NRP1: variants seen among roughly 807,000 people sequenced by gnomAD.
NRP1 encodes neuropilin 1, also known as neuropilin-1.
In NRP1, 35 loss-of-function variants were observed where a neutral mutation model predicts 106.7. The observed-to-expected ratio is 0.33, with a 90% CI of 0.25 to 0.43. The LOEUF (loss-of-function observed/expected upper bound fraction) is 0.43. Ranked by LOEUF, NRP1 falls within the 20% of genes least tolerant of loss-of-function variation. NRP1 has a pLI of 1.00. For synonymous variants in NRP1, 437 were observed against 417.9 expected (o/e 1.05, Z -0.56); for missense variants, 1,024 against 1,170.4 (o/e 0.87, Z 1.83).
chr10:33,186,109 TG>T, intron 14 of NRP1, 107 bp downstream of exon 14: 1 of 1,384,376 alleles, frequency 7.2e-7, no homozygotes. Context: ...TGGGAAACAC[TG>T]GAAATAATTT....
At chr10:33,321,698 C>T (rs773252092) in intron 2 of NRP1, among the ~76,000 whole-genome samples, 2 of 152,188 alleles carry the variant, frequency 1.3e-5, no homozygotes, top group Admixed American at 6.5e-5. Context: ...CTGCTGGTAG[C>T]GTCCAACAGT....
chr10:33,282,353 T>C (rs1844203453), intron 2 of NRP1, among the ~76,000 whole-genome samples: 1 of 152,200 alleles, frequency 6.6e-6, no homozygotes, highest in Non-Finnish European at 1.5e-5. Flanking sequence ...ATTTTCTTTT[T>C]AATTCTTTGG....
chr10:33,243,518 A>T (rs1413292741), intron 6 of NRP1, among the ~76,000 whole-genome samples: 2 of 152,230 alleles, frequency 1.3e-5, no homozygotes, highest in Non-Finnish European at 2.9e-5. Flanking sequence ...ATTTTTCTAG[A>T]TCCAAAATAT....
At chr10:33,196,681 G>A (rs74926329) in intron 12 of NRP1, among the ~76,000 whole-genome samples, 2 of 152,156 alleles carry the variant, frequency 1.3e-5, no homozygotes, top group Admixed American at 1.3e-4. Flanking sequence ...GGTTAAGTTT[G>A]ACCAAAGAGA....
intron 2 of NRP1, among the ~76,000 whole-genome samples, chr10:33,275,334 G>A (rs552332867): frequency 3.3e-5 from 5 of 152,160 alleles, no homozygotes; most frequent in South Asian, 2.1e-4. Context: ...TTTAGAAGGC[G>A]GAGGTGGGTG....
intron 2 of NRP1, among the ~76,000 whole-genome samples, chr10:33,278,079 T>C (rs1450706490): frequency 3.3e-5 from 5 of 152,234 alleles, no homozygotes; most frequent in Non-Finnish European, 7.3e-5. Flanking sequence ...TACTTTGCGA[T>C]GTGTTTATGC....
intron 8 of NRP1, among the ~76,000 whole-genome samples, chr10:33,215,616 A>G (rs1028743992): frequency 1.3e-5 from 2 of 152,222 alleles, no homozygotes; most frequent in Non-Finnish European, 2.9e-5. Context: ...AAGCAACTCA[A>G]TTCTGCGTTA....
At chr10:33,204,492 T>G (rs1353412508) in intron 10 of NRP1, among the ~76,000 whole-genome samples, 1 of 152,224 alleles carries the variant, frequency 6.6e-6, no homozygotes, top group Non-Finnish European at 1.5e-5. Flanking sequence ...ATAGTTGTCT[T>G]TCTTCCCTAA....
At chr10:33,207,498 A>C in intron 10 of NRP1, 74 bp downstream of exon 10, 1 of 1,551,390 alleles carries the variant, frequency 6.4e-7, no homozygotes, top group Non-Finnish European at 8.8e-7. Flanking sequence ...TTGCAAAGGC[A>C]CCATCAGGGG....
At chr10:33,235,533 T>C (rs1447765472) in intron 6 of NRP1, among the ~76,000 whole-genome samples, 1 of 152,246 alleles carries the variant, frequency 6.6e-6, no homozygotes, top group Non-Finnish European at 1.5e-5. Flanking sequence ...AAGACAAATA[T>C]GAGAAGACAG....
chr10:33,287,699 T>C (rs1397712804), intron 2 of NRP1, among the ~76,000 whole-genome samples: 5 of 152,212 alleles, frequency 3.3e-5, no homozygotes, highest in African/African-American at 7.2e-5. Context: ...AATTAACTCC[T>C]GCATTCTTCA....
chr10:33,185,913 T>C (rs1835975442), intron 14 of NRP1, among the ~76,000 whole-genome samples, 189 bp from the exon 15 acceptor site: 1 of 152,200 alleles, frequency 6.6e-6, no homozygotes, highest in African/African-American at 2.4e-5. Context: ...CACTCTCTTC[T>C]TATAATACAA....
intron 11 of NRP1, chr10:33,201,079 A>G (rs1796769865): frequency 6.6e-6 from 1 of 152,258 alleles, no homozygotes; most frequent in African/African-American, 2.4e-5. Flanking sequence ...TCTATCTACC[A>G]AAGAAATAAT....
In NRP1 at chr10:33,180,356, G is replaced by T; in HGVS notation, c.2492C>A (p.Pro831Gln). 1.3e-6 allele frequency: 2 copies of T among 1,590,844 alleles called. No homozygotes were observed. Among genetic ancestry groups the T allele is most frequent in the Non-Finnish European group, 1.7e-6 (2 of 1,164,586 alleles). Residue 831 changes from proline to glutamine, a missense_variant, in exon 17 of 17, where the codon CCA becomes CAA. Around this residue, in one of 5 missense-constraint regions of NRP1, gnomAD observed 164 missense variants for 161.4 expected, o/e 1.02. Transcript: ENST00000374867. Reference sequence around the variant, plus strand: ...ACCTTCTCCTTCACCTTCGTATCCTGGCGTGCTCCCTATGGAAAAAAACAA... The same window carrying T: ...ACCTTCTCCTTCACCTTCGTATCCTTGCGTGCTCCCTATGGAAAAAAACAA... ...EIKIDETGST[P>Q]GYEGEGEGDK...
intron 6 of NRP1, 85 bp downstream of exon 6, chr10:33,253,943 G>A (rs768514449): frequency 1.6e-5 from 20 of 1,279,464 alleles, no homozygotes; most frequent in Non-Finnish European, 2.2e-5. Flanking sequence ...AGGCCATTTG[G>A]CACAGTACCA....
intron 6 of NRP1, among the ~76,000 whole-genome samples, chr10:33,249,986 A>G (rs1289970406): frequency 6.6e-6 from 1 of 152,186 alleles, no homozygotes; most frequent in African/African-American, 2.4e-5. Context: ...GTCAGCTTCC[A>G]ATATCGCCTT....
chr10:33,215,845 A>G (rs528472296), intron 8 of NRP1, among the ~76,000 whole-genome samples: 2 of 152,294 alleles, frequency 1.3e-5, no homozygotes, highest in Admixed American at 6.5e-5. Context: ...TCAGGCATGC[A>G]GGCCTTCCAT....
chr10:33,192,510 A>G, intron 12 of NRP1, 92 bp from the exon 13 acceptor site: 1 of 1,348,868 alleles, frequency 7.4e-7, no homozygotes, highest in Non-Finnish European at 1.0e-6. Flanking sequence ...CACTCATGGA[A>G]AGCACGATTT....
chr10:33,238,686 G>T (rs1364609915), intron 6 of NRP1, among the ~76,000 whole-genome samples: 1 of 152,148 alleles, frequency 6.6e-6, no homozygotes, highest in Non-Finnish European at 1.5e-5. Context: ...TTGTAGCTTT[G>T]ACCTGCAGGA....
Sources: gnomAD v4.1 joint callset for allele counts (sites outside exome capture counted in the v4.1 genomes callset) on GRCh38, gnomAD v4.1.1 for gene constraint, gnomAD v4.1.1 regional missense constraint, MANE v1.5 for transcripts, NCBI Gene and HGNC (gene_info 2026-07-23, HGNC 2026-07-21) for gene names.